The following EIF1AD variants were observed in gnomAD, a reference collection of about 807,000 sequenced individuals.
The protein encoded by EIF1AD is eukaryotic translation initiation factor 1A domain containing.
In EIF1AD, 9 loss-of-function variants were observed where a neutral mutation model predicts 21.7. That is an observed-to-expected ratio of 0.41 (90% CI 0.25 to 0.72). The LOEUF is 0.72. EIF1AD is among the 30% of genes least tolerant of loss of function. The pLI is 0.29. For missense variants in EIF1AD, 164 were observed against 199.7 expected, an observed-to-expected ratio of 0.82 and a Z score of 1.08; for synonymous variants, 78 against 70.9, an observed-to-expected ratio of 1.10 and a Z score of -0.50.
intron 1 of EIF1AD, among the ~76,000 whole-genome samples, chr11:66,001,471 C>CAA (rs397944986): frequency 0.15 from 11,966 of 79,098 alleles, 1,284 homozygotes; most frequent in Non-Finnish European, 0.19. Flanking sequence ...GACTCCGTCT[C>CAA]AAAAAAAAAA....
chr11:65,998,741 T>C lies in EIF1AD; in HGVS notation c.356A>G (p.Gln119Arg), dbSNP rs753992943. The stretch of plus-strand genomic sequence containing the variant: ...CTCAGCTGGGAGTTCTGGTTGAGTT[T>C]GTCTGCACGAAGGGAAGAGAGCAGG... ...VAEKHNNRNR[Q>R]TQPELPAEPQ... Residue 119 changes from glutamine (Q) to arginine (R), a missense_variant and splice_region_variant, in exon 6 of 6, where the codon CAA (glutamine) becomes CGA (arginine). Transcript: ENST00000533544. 44 of 1,613,982 alleles carry C rather than the reference T, an allele frequency of 2.7e-5. No individual in the cohort carries two copies. The highest frequency in any genetic ancestry group is 3.6e-5 in the Non-Finnish European group (42 of 1,179,986).
intron 4 of EIF1AD, 82 bp downstream of exon 4, chr11:65,999,484 AT>A (rs1855855307): frequency 6.2e-7 from 1 of 1,606,472 alleles, no homozygotes; most frequent in Non-Finnish European, 8.5e-7. Context: ...CTGGGATGCC[AT>A]GACCTTCCCT....
At position 65,996,587 on chromosome 11, in the gene EIF1AD, A is replaced by C. The variant is rs1394995118; in HGVS notation, c.*2012T>G. ...GTTTATTTTTTGTATATACATCTAC[A>C]TACATTTTATACATTATATTCATAT... On this transcript the variant is annotated 3_prime_UTR_variant, in exon 6 of 6. Transcript: ENST00000533544. The C allele has an allele frequency of 6.6e-6, 1 of 152,108 alleles. No individual in the cohort carries two copies. The highest frequency in any genetic ancestry group is 1.5e-5 in the Non-Finnish European group (1 of 68,028). The allele number at this position is 152,108 out of a possible 1,614,324, so 9.4% of individuals were successfully genotyped here.
At position 65,998,376 on chromosome 11, in the gene EIF1AD, T is replaced by C; in HGVS notation, c.*223A>G. The C allele has an allele frequency of 2.5e-6, 1 of 405,504 alleles. No homozygotes were observed. Among genetic ancestry groups the C allele is most frequent in the East Asian group, 4.2e-5 (1 of 23,708 alleles). 25.1% of individuals were successfully genotyped at this position (405,504 alleles called of 1,614,324 possible). On this transcript the variant is annotated 3_prime_UTR_variant, in exon 6 of 6. Coordinates refer to ENST00000533544, the MANE Select transcript of EIF1AD (RefSeq NM_001242481.2). ...TCTCTAATAAATAGGGAGCAGTTTT[T>C]CACTTCATCACAATCTCCCTCCCCC...
In EIF1AD at chr11:65,997,348, AAGAT is replaced by A. The variant is rs1161716249; in HGVS notation, c.*1247_*1250del. 2.0e-5 allele frequency: 3 copies of A among 151,544 alleles called. No homozygotes were observed. Among genetic ancestry groups the A allele is most frequent in the Non-Finnish European group, 2.9e-5 (2 of 67,990 alleles). The allele number at this position is 151,544 out of a possible 1,614,324, so 9.4% of individuals were successfully genotyped here. A position where few individuals can be genotyped will look rare whatever the true frequency, so the allele number is the denominator to read the frequency against. The stretch of plus-strand genomic sequence containing the variant: ...TCTCAAAAAAAAAAAAAAAAAAAAA[AAGAT>A]AGTCTCCAAAACACAAGAGGTAAGG... On this transcript the variant is annotated 3_prime_UTR_variant, in exon 6 of 6. Transcript: ENST00000533544.
chr11:66,000,032 T>C (rs770048217), intron 3 of EIF1AD, 21 bp downstream of exon 3: 7 of 1,581,360 alleles, frequency 4.4e-6, no homozygotes, highest in Middle Eastern at 1.7e-4. Context: ...AGTGCCAGGA[T>C]TACAGGAGTA....
In EIF1AD at chr11:66,000,332, C is replaced by G. The variant is rs749157947; in HGVS notation, c.58G>C (p.Val20Leu). 1.2e-6 allele frequency: 2 copies of G among 1,613,480 alleles called. No homozygotes were observed. The highest frequency in any genetic ancestry group is 3.3e-5 in the Admixed American group (2 of 59,958). ...VVKEVLGEHI[V>L]PSDQQQIVRV... ...ACAATCTGCTGCTGGTCGGAGGGCA[C>G]TATGTGCTCCCCTAGCACCTCCTTC... Residue 20 changes from valine to leucine, a missense_variant, in exon 2 of 6, where the codon GTG becomes CTG. Val to Leu is a conservative substitution (Grantham distance 32). Transcript: ENST00000533544.
At position 65,998,395 on chromosome 11, in the gene EIF1AD, C is replaced by G. The variant is rs540584; in HGVS notation, c.*204G>C. 73,908 of 477,740 alleles carry G rather than the reference C, an allele frequency of 0.15. 6,869 individuals are homozygous for G. The highest frequency in any genetic ancestry group is 0.23 in the African/African-American group (11,719 of 50,094). 29.6% of individuals were successfully genotyped at this position (477,740 alleles called of 1,614,324 possible). A position where few individuals can be genotyped will look rare whatever the true frequency, so the allele number is the denominator to read the frequency against. ...AGTTTTTCACTTCATCACAATCTCCCTCCCCCGAGAGAGCCACTCAGACAC... is the reference window on the plus strand; with the variant it reads ...AGTTTTTCACTTCATCACAATCTCCGTCCCCCGAGAGAGCCACTCAGACAC... On this transcript the variant is annotated 3_prime_UTR_variant, in exon 6 of 6. Coordinates refer to ENST00000533544, the MANE Select transcript of EIF1AD (RefSeq NM_001242481.2).
rs769138226 is a variant in EIF1AD at position 65,998,257 on chromosome 11, A to G, written c.*342T>C. Reference sequence around the variant, plus strand: ...AAGAAGGCCCAGAGCACGGCCTGGCACTTTCTAAGTGCCCAATAAGAAAGA... The same window carrying G: ...AAGAAGGCCCAGAGCACGGCCTGGCGCTTTCTAAGTGCCCAATAAGAAAGA... On this transcript the variant is annotated 3_prime_UTR_variant, in exon 6 of 6. Coordinates refer to ENST00000533544, the MANE Select transcript of EIF1AD (RefSeq NM_001242481.2). 1.5e-4 allele frequency: 30 copies of G among 194,048 alleles called. No individual in the cohort carries two copies. The highest frequency in any genetic ancestry group is 3.0e-4 in the Non-Finnish European group (28 of 93,484). 12.0% of individuals were successfully genotyped at this position (194,048 alleles called of 1,614,324 possible).
rs1220140131 is a variant in EIF1AD at position 65,996,588 on chromosome 11, TAC to T, written c.*2009_*2010del. The T allele has an allele frequency of 6.6e-6, 1 of 152,056 alleles. No homozygotes were observed. The highest frequency in any genetic ancestry group is 2.4e-5 in the African/African-American group (1 of 41,408). 9.4% of individuals were successfully genotyped at this position (152,056 alleles called of 1,614,324 possible). A position where few individuals can be genotyped will look rare whatever the true frequency, so the allele number is the denominator to read the frequency against. ...TTTATTTTTTGTATATACATCTACA[TAC>T]ATTTTATACATTATATTCATATATA... On this transcript the variant is annotated 3_prime_UTR_variant, in exon 6 of 6. Transcript: ENST00000533544.
At position 65,997,412 on chromosome 11, in the gene EIF1AD, T is replaced by G. The variant is rs1157135569; in HGVS notation, c.*1187A>C. The G allele has an allele frequency of 1.3e-5, 2 of 151,752 alleles. No individual in the cohort carries two copies. Among genetic ancestry groups the G allele is most frequent in the Non-Finnish European group, 2.9e-5 (2 of 67,998 alleles). 9.4% of individuals were successfully genotyped at this position (151,752 alleles called of 1,614,324 possible). ...CATTGGCTTACGACAGGAAGATATGTGCACATCTGCAGAGCTGGTAACAGG... is the reference window on the plus strand; with the variant it reads ...CATTGGCTTACGACAGGAAGATATGGGCACATCTGCAGAGCTGGTAACAGG... On this transcript the variant is annotated 3_prime_UTR_variant, in exon 6 of 6. Transcript: ENST00000533544.
intron 1 of EIF1AD, 112 bp from the exon 2 acceptor site, chr11:66,000,617 G>T: frequency 1.8e-6 from 1 of 551,616 alleles, no homozygotes; most frequent in Non-Finnish European, 3.3e-6. Context: ...CTAGGTCCCA[G>T]AAAAATAACA....
intron 1 of EIF1AD, among the ~76,000 whole-genome samples, chr11:66,001,450 C>A (rs1410310317): frequency 1.6e-5 from 2 of 125,022 alleles, no homozygotes; most frequent in African/African-American, 6.1e-5. Context: ...CCAGCCTGGG[C>A]GACAGAGCAA....
In EIF1AD at chr11:65,998,411, A is replaced by T; in HGVS notation, c.*188T>A. 1.8e-6 allele frequency: 1 copy of T among 563,914 alleles called. No homozygotes were observed. The highest frequency in any genetic ancestry group is 2.9e-6 in the Non-Finnish European group (1 of 348,324). 34.9% of individuals were successfully genotyped at this position (563,914 alleles called of 1,614,324 possible). ...ACAATCTCCCTCCCCCGAGAGAGCC[A>T]CTCAGACACCAGAACAAGTCACCAA... On this transcript the variant is annotated 3_prime_UTR_variant, in exon 6 of 6. Transcript: ENST00000533544.
At chr11:65,999,267 A>T in intron 5 of EIF1AD, 83 bp downstream of exon 5, 1 of 1,580,786 alleles carries the variant, frequency 6.3e-7, no homozygotes, top group East Asian at 2.2e-5. Context: ...GTAAGGAGGA[A>T]AGAAGGCTCT....
intron 4 of EIF1AD, 80 bp downstream of exon 4, chr11:65,999,487 A>G (rs1429883552): frequency 6.2e-6 from 10 of 1,601,788 alleles, no homozygotes; most frequent in Non-Finnish European, 8.6e-6. Flanking sequence ...GGATGCCATG[A>G]CCTTCCCTCC....
intron 5 of EIF1AD, 120 bp downstream of exon 5, chr11:65,999,230 C>T (rs1217439290): frequency 3.7e-6 from 5 of 1,337,486 alleles, no homozygotes; most frequent in Non-Finnish European, 4.2e-6. Flanking sequence ...ATACCACATG[C>T]TTAGGAGCTC....
At chr11:66,000,980 T>C (rs1260792434) in intron 1 of EIF1AD, among the ~76,000 whole-genome samples, 1 of 152,202 alleles carries the variant, frequency 6.6e-6, no homozygotes, top group Non-Finnish European at 1.5e-5. Context: ...TATGACTTTT[T>C]CACGTAGACC....
In EIF1AD at chr11:65,999,642, C is replaced by T. The variant is rs1199607901; in HGVS notation, c.230G>A (p.Gly77Glu). The stretch of plus-strand genomic sequence containing the variant: ...CGAGATTTCAGCCTTCACCTTTTCT[C>T]CCTCTTCAATGGGGTCAACAATGAG... ...DFLIVDPIEE[G>E]EKVKAEISFV... The change falls in exon 4 of 6, where the codon GGA becomes GAA. Residue 77 changes from glycine (G) to glutamate (E), a missense_variant. Physicochemically the swap from Gly to Glu is moderately conservative, Grantham distance 98. Coordinates refer to ENST00000533544, the MANE Select transcript of EIF1AD (RefSeq NM_001242481.2). The T allele has an allele frequency of 6.2e-6, 10 of 1,613,952 alleles. No individual in the cohort carries two copies. Among genetic ancestry groups the T allele is most frequent in the Admixed American group, 1.7e-5 (1 of 60,008 alleles).
Sources: gnomAD v4.1 joint callset for allele counts (sites outside exome capture counted in the v4.1 genomes callset) on GRCh38, gnomAD v4.1.1 for gene constraint, MANE v1.5 for transcripts, NCBI Gene and HGNC (gene_info 2026-07-23, HGNC 2026-07-21) for gene names.